The following ARHGAP1 variants were observed in gnomAD, a reference collection of about 807,000 sequenced individuals.
The protein encoded by ARHGAP1 is rho GTPase-activating protein 1.
Under a neutral mutation model 52.2 loss-of-function variants are expected in ARHGAP1, and 23 were observed. That is an observed-to-expected ratio of 0.44 (90% CI 0.32 to 0.62). The LOEUF is 0.62. Among genes scored for constraint, ARHGAP1 ranks in the 20% least tolerant of loss-of-function variants. The probability of loss-of-function intolerance (pLI) is 0.05; values close to 1 mark genes in which losing one functional copy is unlikely to be tolerated. For missense variants in ARHGAP1, 480 were observed against 560.9 expected (o/e 0.86, Z 1.46); for synonymous variants, 210 against 228.4 (o/e 0.92, Z 0.73).
At position 46,679,300 on chromosome 11, in the gene ARHGAP1, G is replaced by A. The variant is rs995925023; in HGVS notation, c.1131+65C>T. On this transcript the variant is annotated intron_variant, in intron 12 of 12. Coordinates refer to ENST00000311956, the MANE Select transcript of ARHGAP1 (RefSeq NM_004308.5). The surrounding 1 kb of genome is among the most constrained non-coding windows in gnomAD (Gnocchi z 4.4). Reference sequence around the variant, plus strand: ...CACTCCCAGCAACAATGACCAGGGCGCAGAGGAGGCGGCAGCTCCTCCTTC... The same window carrying A: ...CACTCCCAGCAACAATGACCAGGGCACAGAGGAGGCGGCAGCTCCTCCTTC... 10 of 1,603,346 alleles carry A rather than the reference G, an allele frequency of 6.2e-6. No homozygotes were observed. The highest frequency in any genetic ancestry group is 4.0e-5 in the African/African-American group (3 of 74,688).
rs1390281993 is a variant in ARHGAP1 at position 46,680,970 on chromosome 11, A to G, written c.635+41T>C. On this transcript the variant is annotated intron_variant, in intron 7 of 12. Transcript: ENST00000311956. The surrounding 1 kb of genome is among the most constrained non-coding windows in gnomAD (Gnocchi z 5.9). ...CTGAATCAGGACACACGTCCTCATT[A>G]CCCTGGCTTCACGAGCCCCCAGCCG... 6.4e-7 allele frequency: 1 copy of G among 1,568,174 alleles called. No homozygotes were observed. The highest frequency in any genetic ancestry group is 1.1e-5 in the South Asian group (1 of 90,124).
intron 1 of ARHGAP1, among the ~76,000 whole-genome samples, chr11:46,698,545 T>C (rs977643716): frequency 6.7e-6 from 1 of 149,800 alleles, no homozygotes; most frequent in African/African-American, 2.5e-5. Context: ...GGGGTGGAGG[T>C]TGCAGTGAGC....
chr11:46,691,755 A>C (rs1488625083), intron 3 of ARHGAP1, among the ~76,000 whole-genome samples: 1 of 150,916 alleles, frequency 6.6e-6, no homozygotes, highest in Non-Finnish European at 1.5e-5. Flanking sequence ...CCCAGCCTTA[A>C]TTTTTGTATT....
At chr11:46,698,757 C>A (rs2064676449) in intron 1 of ARHGAP1, among the ~76,000 whole-genome samples, 2 of 152,110 alleles carry the variant, frequency 1.3e-5, no homozygotes, top group Admixed American at 6.6e-5. Flanking sequence ...TGACCTCCCT[C>A]AACGCCCCCA....
At position 46,679,611 on chromosome 11, in the gene ARHGAP1, T is replaced by C; in HGVS notation, c.1027+37A>G. ...AAGCCTGCAGCGCACCTGCCCCAAGTCCAGCCCCAGGCCCAACAGAAGAGA... is the reference window on the plus strand; with the variant it reads ...AAGCCTGCAGCGCACCTGCCCCAAGCCCAGCCCCAGGCCCAACAGAAGAGA... On this transcript the variant is annotated intron_variant, in intron 11 of 12. Coordinates refer to ENST00000311956, the MANE Select transcript of ARHGAP1 (RefSeq NM_004308.5). This position sits in a 1 kb window ranked among gnomAD's most constrained non-coding sequence, Gnocchi z 4.4. 1 of 1,613,124 alleles carries C rather than the reference T, an allele frequency of 6.2e-7. No homozygotes were observed. The highest frequency in any genetic ancestry group is 8.5e-7 in the Non-Finnish European group (1 of 1,179,538).
Position 46,678,901 on chromosome 11 carries a change from G to T in ARHGAP1, c.*136C>A. The T allele has an allele frequency of 9.8e-7, 1 of 1,024,022 alleles. No individual in the cohort carries two copies. The highest frequency in any genetic ancestry group is 1.4e-6 in the Non-Finnish European group (1 of 711,316). The allele number at this position is 1,024,022 out of a possible 1,614,324, so 63.4% of individuals were successfully genotyped here. On this transcript the variant is annotated 3_prime_UTR_variant, in exon 13 of 13. Transcript: ENST00000311956. ...GGCCGCCAGGGCCGTGAGGCGGGCT[G>T]GACAGAGGTGGGGGAGAGCATGCCT... is the stretch of plus-strand genomic sequence containing the variant.
chr11:46,690,330 T>C (rs2064602416), intron 3 of ARHGAP1, among the ~76,000 whole-genome samples: 2 of 150,906 alleles, frequency 1.3e-5, no homozygotes, highest in Admixed American at 1.3e-4. Flanking sequence ...GAGCTTGCAG[T>C]GAGCCGAGAT....
chr11:46,699,701 TA>T (rs879553764), intron 1 of ARHGAP1, among the ~76,000 whole-genome samples: 3,053 of 137,500 alleles, frequency 0.022, 79 homozygotes, highest in African/African-American at 0.067. Context: ...AGACTCCGTC[TA>T]AAAAAAAAAA....
intron 1 of ARHGAP1, among the ~76,000 whole-genome samples, chr11:46,699,475 C>G (rs182326766): frequency 6.6e-6 from 1 of 151,566 alleles, no homozygotes; most frequent in Non-Finnish European, 1.5e-5. Context: ...GAGGCCGAGG[C>G]GGGCGGATCA....
intron 1 of ARHGAP1, among the ~76,000 whole-genome samples, chr11:46,698,103 T>C (rs905590105): frequency 1.3e-5 from 2 of 152,136 alleles, no homozygotes; most frequent in African/African-American, 4.8e-5. Context: ...CTGCACAAAG[T>C]AGGTGCTGAT....
intron 3 of ARHGAP1, among the ~76,000 whole-genome samples, chr11:46,692,405 TC>T (rs1205450502): frequency 1.3e-5 from 2 of 152,114 alleles, no homozygotes; most frequent in Non-Finnish European, 2.9e-5. Context: ...AGCCCATGAG[TC>T]CCCGCACCTC....
intron 1 of ARHGAP1, among the ~76,000 whole-genome samples, chr11:46,698,045 AC>A (rs1355808006): frequency 6.6e-6 from 1 of 152,176 alleles, no homozygotes; most frequent in Admixed American, 6.6e-5. Context: ...CTGCCCAGGG[AC>A]CAGGGGCTCC....
intron 4 of ARHGAP1, among the ~76,000 whole-genome samples, chr11:46,685,178 C>T (rs974641764): frequency 4.1e-5 from 6 of 147,792 alleles, no homozygotes; most frequent in African/African-American, 1.5e-4. Flanking sequence ...AAAATATTAA[C>T]AGTAACTTTC....
chr11:46,685,444 C>G (rs2064561800), intron 4 of ARHGAP1, among the ~76,000 whole-genome samples: 1 of 151,516 alleles, frequency 6.6e-6, no homozygotes, highest in Non-Finnish European at 1.5e-5. Flanking sequence ...TCTCCAGCCT[C>G]AGCCTCCTAA....
chr11:46,691,803 G>T (rs1387118764), intron 3 of ARHGAP1, among the ~76,000 whole-genome samples: 3 of 152,010 alleles, frequency 2.0e-5, no homozygotes, highest in Non-Finnish European at 4.4e-5. Flanking sequence ...AGCCAGGCTG[G>T]TCTCCAACTC....
chr11:46,697,477 G>C (rs944748664), intron 1 of ARHGAP1: 1 of 152,628 alleles, frequency 6.6e-6, no homozygotes, highest in African/African-American at 2.4e-5. Flanking sequence ...AGGAAGAAGA[G>C]GGGGAGAGCT....
At chr11:46,686,562 C>T (rs1458614360) in intron 4 of ARHGAP1, among the ~76,000 whole-genome samples, 1 of 151,030 alleles carries the variant, frequency 6.6e-6, no homozygotes, top group East Asian at 2.0e-4. Flanking sequence ...ACTACAGGCG[C>T]CCGCCACCAC....
At chr11:46,693,659 C>T (rs1592391705) in intron 3 of ARHGAP1, among the ~76,000 whole-genome samples, 1 of 152,194 alleles carries the variant, frequency 6.6e-6, no homozygotes, top group East Asian at 1.9e-4. Flanking sequence ...AGTTAATCAC[C>T]AACAGGTCTC....
In ARHGAP1 at chr11:46,679,085, C is replaced by G. The variant is rs2064502998; in HGVS notation, c.1272G>C (p.Leu424=). The change falls in exon 13 of 13, where the codon CTG becomes CTC. Residue 424 remains leucine, a synonymous_variant. Coordinates refer to ENST00000311956, the MANE Select transcript of ARHGAP1 (RefSeq NM_004308.5). This position sits in a 1 kb window ranked among gnomAD's most constrained non-coding sequence, Gnocchi z 4.4. ...NPINTFTKFL[L]DHQGELFPSP... ...TTGGGAACAGCTCCCCTTGGTGATC[C>G]AGAAGGAACTTGGTGAAGGTGTTGA... The G allele has an allele frequency of 1.9e-6, 3 of 1,614,204 alleles. No homozygotes were observed.
Sources: allele counts gnomAD v4.1 joint callset (sites outside exome capture counted in the v4.1 genomes callset), GRCh38; gene constraint gnomAD v4.1.1; non-coding constraint Gnocchi (gnomAD v3.1); transcripts MANE v1.5; gene names NCBI Gene and HGNC (gene_info 2026-07-23, HGNC 2026-07-21).